HCRTR2: variants seen among roughly 807,000 people sequenced by gnomAD.
The protein encoded by HCRTR2 is orexin receptor type 2.
In HCRTR2, 22 loss-of-function variants were observed where a neutral mutation model predicts 49.0. The ratio of observed to expected loss-of-function variants is 0.45; its 90% CI spans 0.32 to 0.64. The LOEUF (loss-of-function observed/expected upper bound fraction) is 0.64. Among genes scored for constraint, HCRTR2 ranks in the 30% least tolerant of loss-of-function variants. HCRTR2 has a pLI of 0.04. For synonymous variants in HCRTR2, 236 were observed against 205.3 expected (o/e 1.15, Z -1.28); for missense variants, 491 against 559.4 (o/e 0.88, Z 1.23).
chr6:55,257,729 A>C (rs1766679964), intron 3 of HCRTR2, among the ~76,000 whole-genome samples: 1 of 151,880 alleles, frequency 6.6e-6, no homozygotes, highest in Admixed American at 6.6e-5. Context: ...TTTTCATTAA[A>C]AAAAGGAAAC....
At chr6:55,189,570 T>C (rs12193968) in intron 1 of HCRTR2, among the ~76,000 whole-genome samples, 84 of 152,278 alleles carry the variant, frequency 5.5e-4, no homozygotes, top group Non-Finnish European at 1.0e-3. Context: ...TGTTCTCACT[T>C]ATAAGCAGAG....
Position 55,267,400 on chromosome 6 carries a change from C to G in HCRTR2, c.762+3578C>G, listed in dbSNP as rs940621804. Among the ~76,000 whole-genome samples, 570 of 137,292 alleles carry G rather than the reference C, an allele frequency of 4.2e-3. 7 individuals carry two copies. Among genetic ancestry groups the G allele is most frequent in the African/African-American group, 0.016 (535 of 33,740 alleles). The allele number at this position is 137,292 out of a possible 152,430, so 90.1% of individuals were successfully genotyped here. On this transcript the variant is annotated intron_variant, in intron 4 of 6. Coordinates refer to ENST00000370862, the MANE Select transcript of HCRTR2 (RefSeq NM_001384272.1). ...TGTGAACTACTTAAATTCTCTCTCT[C>G]TCTGTTTTTTTTTTTTTTTTTGGCA...
intron 1 of HCRTR2, among the ~76,000 whole-genome samples, chr6:55,131,466 G>C (rs1055949638): frequency 1.3e-5 from 2 of 151,688 alleles, no homozygotes; most frequent in African/African-American, 4.8e-5. Context: ...AGGTATTAAA[G>C]TTTTTACCGT....
At chr6:55,197,630 TCTTTTTTTTGAGATGGAGTCTCG>T (rs1765440636) in intron 1 of HCRTR2, among the ~76,000 whole-genome samples, 1 of 152,116 alleles carries the variant, frequency 6.6e-6, no homozygotes, top group Non-Finnish European at 1.5e-5. Flanking sequence ...TGATCCTTTC[TCTTTTTTTTGAGATGGAGTCTCG>T]CTCTGTCTCC....
At chr6:55,237,630 A>G (rs1013403882) in intron 1 of HCRTR2, among the ~76,000 whole-genome samples, 1 of 152,192 alleles carries the variant, frequency 6.6e-6, no homozygotes, top group Non-Finnish European at 1.5e-5. Context: ...TAAATGCCAG[A>G]GCATCTCCCT....
intron 5 of HCRTR2, among the ~76,000 whole-genome samples, chr6:55,278,966 C>T (rs1767134621): frequency 6.6e-6 from 1 of 151,808 alleles, no homozygotes; most frequent in South Asian, 2.1e-4. Context: ...TCCTGTATCT[C>T]AGAACTTGCT....
intron 4 of HCRTR2, among the ~76,000 whole-genome samples, chr6:55,266,289 C>G (rs1766859151): frequency 1.3e-5 from 2 of 152,156 alleles, no homozygotes. Context: ...TTCTACTCTA[C>G]TAAGATAAAG....
At chr6:55,146,354 G>A (rs1046705247) in intron 1 of HCRTR2, among the ~76,000 whole-genome samples, 1 of 151,986 alleles carries the variant, frequency 6.6e-6, no homozygotes, top group Non-Finnish European at 1.5e-5. Context: ...ATGCCACATG[G>A]TTATAGAATT....
intron 1 of HCRTR2, among the ~76,000 whole-genome samples, chr6:55,216,696 C>T (rs1277194309): frequency 6.6e-6 from 1 of 152,196 alleles, no homozygotes; most frequent in African/African-American, 2.4e-5. Context: ...GCTCAGAACA[C>T]ACTTCAGCTT....
At chr6:55,216,025 G>A (rs965908531) in intron 1 of HCRTR2, among the ~76,000 whole-genome samples, 1 of 152,130 alleles carries the variant, frequency 6.6e-6, no homozygotes, top group South Asian at 2.1e-4. Flanking sequence ...TGACAAAAAA[G>A]CAACAGCAAG....
chr6:55,149,328 C>A (rs750664592), intron 1 of HCRTR2, among the ~76,000 whole-genome samples: 1 of 152,026 alleles, frequency 6.6e-6, no homozygotes, highest in Non-Finnish European at 1.5e-5. Context: ...CTATGGTCAC[C>A]CAACAGGGTT....
intron 1 of HCRTR2, among the ~76,000 whole-genome samples, chr6:55,121,150 T>C (rs992468152): frequency 3.3e-5 from 5 of 152,134 alleles, no homozygotes; most frequent in African/African-American, 9.7e-5. Flanking sequence ...TTTTATTTCG[T>C]TGAGCGTGGT....
intron 2 of HCRTR2, among the ~76,000 whole-genome samples, chr6:55,254,334 A>G (rs1442774514): frequency 1.3e-5 from 2 of 152,174 alleles, no homozygotes; most frequent in African/African-American, 4.8e-5. Flanking sequence ...AAGAGAGCAC[A>G]TTGAACATAA....
intron 1 of HCRTR2, among the ~76,000 whole-genome samples, chr6:55,148,937 AC>A (rs1186690957): frequency 3.9e-5 from 6 of 152,136 alleles, no homozygotes; most frequent in Admixed American, 1.3e-4. Flanking sequence ...TAATTCTGAT[AC>A]TTTCTTTTTC....
chr6:55,191,368 T>C (rs1031742765), intron 1 of HCRTR2, among the ~76,000 whole-genome samples: 1 of 152,168 alleles, frequency 6.6e-6, no homozygotes, highest in South Asian at 2.1e-4. Context: ...TGATTTTCTA[T>C]ATAAAGTCAG....
intron 1 of HCRTR2, among the ~76,000 whole-genome samples, chr6:55,124,927 C>T (rs953341239): frequency 7.0e-6 from 1 of 143,770 alleles, no homozygotes; most frequent in Non-Finnish European, 1.5e-5. Flanking sequence ...AGGATACCAA[C>T]TCCTGCTTTT....
intron 1 of HCRTR2, among the ~76,000 whole-genome samples, chr6:55,183,916 A>ATT (rs1260254696): frequency 6.6e-6 from 1 of 151,936 alleles, no homozygotes; most frequent in African/African-American, 2.4e-5. Flanking sequence ...TTGAGAAGCA[A>ATT]TTTCTCTTTT....
chr6:55,131,900 A>T (rs1341151863), intron 1 of HCRTR2, among the ~76,000 whole-genome samples: 1 of 151,814 alleles, frequency 6.6e-6, no homozygotes, highest in Non-Finnish European at 1.5e-5. Context: ...GAACCTGGAA[A>T]TGAAGCAACT....
intron 1 of HCRTR2, among the ~76,000 whole-genome samples, chr6:55,246,814 T>C (rs928500098): frequency 6.6e-6 from 1 of 152,048 alleles, no homozygotes; most frequent in Non-Finnish European, 1.5e-5. Flanking sequence ...GTTAATAATT[T>C]AAAAAATGCT....
Sources: allele counts gnomAD v4.1 joint callset (sites outside exome capture counted in the v4.1 genomes callset), GRCh38; gene constraint gnomAD v4.1.1; transcripts MANE v1.5; gene names NCBI Gene and HGNC (gene_info 2026-07-23, HGNC 2026-07-21).